Variants in C12orf42 observed in about 807,000 individuals in gnomAD.
C12orf42 encodes the protein uncharacterized protein C12orf42.
Under a neutral mutation model 21.6 loss-of-function variants are expected in C12orf42, and 25 were observed. The ratio of observed to expected loss-of-function variants is 1.16; its 90% confidence interval spans 0.84 to 1.62. C12orf42 has a LOEUF of 1.62. Ranked by LOEUF, C12orf42 falls within the 40% of genes most tolerant of loss-of-function variation. C12orf42 has a pLI of 0.00. For synonymous variants in C12orf42, 174 were observed against 175.0 expected (o/e 0.99, Z 0.05); for missense variants, 483 against 459.3 (o/e 1.05, Z -0.47).
the C12orf42 span, among the ~76,000 whole-genome samples, chr12:103,203,205 C>T: frequency 6.6e-6 from 1 of 152,118 alleles, no homozygotes; most frequent in Non-Finnish European, 1.5e-5. Flanking sequence ...TTGCCCTTCC[C>T]TCTGTGTCAC....
At chr12:103,126,665 A>T in the C12orf42 span, among the ~76,000 whole-genome samples, 1 of 142,966 alleles carries the variant, frequency 7.0e-6, no homozygotes, top group Admixed American at 7.1e-5. Context: ...GAAGTTAACT[A>T]AAAAAAAAAA....
chr12:103,365,321 GC>G (rs1416693283), intron 4 of C12orf42, among the ~76,000 whole-genome samples: 1 of 151,868 alleles, frequency 6.6e-6, no homozygotes, highest in African/African-American at 2.4e-5. Context: ...CAAGTGACAT[GC>G]CTCAATGTAA....
At chr12:103,130,336 T>G in the C12orf42 span, among the ~76,000 whole-genome samples, 3 of 150,384 alleles carry the variant, frequency 2.0e-5, no homozygotes, top group African/African-American at 7.4e-5. Flanking sequence ...GAGACCATAT[T>G]CTAAAAATTC....
At chr12:103,068,404 C>T in the C12orf42 span, among the ~76,000 whole-genome samples, 2 of 151,988 alleles carry the variant, frequency 1.3e-5, no homozygotes, top group Non-Finnish European at 2.9e-5. Flanking sequence ...TAATTATGAC[C>T]TTATTATTGT....
the C12orf42 span, among the ~76,000 whole-genome samples, chr12:103,547,490 C>A: frequency 6.6e-6 from 1 of 152,244 alleles, no homozygotes; most frequent in African/African-American, 2.4e-5. Flanking sequence ...TTCCATCCAA[C>A]TCAGTAAACA....
chr12:103,368,815 G>T, intron 4 of C12orf42, 72 bp downstream of exon 4: 1 of 752,708 alleles, frequency 1.3e-6, no homozygotes, highest in South Asian at 2.0e-5. Flanking sequence ...CAATCTTTAT[G>T]ATTATTACCT....
intron 10 of C12orf42, among the ~76,000 whole-genome samples, chr12:103,258,531 TG>T (rs2034728416): frequency 2.0e-5 from 3 of 151,818 alleles, no homozygotes; most frequent in African/African-American, 7.2e-5. Flanking sequence ...TATATATATA[TG>T]TTTTAAAAAT....
At chr12:103,491,882 A>T (rs986029470) in intron 1 of C12orf42, among the ~76,000 whole-genome samples, 21 of 152,212 alleles carry the variant, frequency 1.4e-4, no homozygotes, top group African/African-American at 5.1e-4. Flanking sequence ...AGGACTCTGA[A>T]GGGAAAAAGG....
At chr12:103,365,453 T>C (rs943707976) in intron 4 of C12orf42, among the ~76,000 whole-genome samples, 1 of 152,006 alleles carries the variant, frequency 6.6e-6, no homozygotes, top group East Asian at 1.9e-4. Context: ...CTATTCAACA[T>C]AGTACTGGAA....
the C12orf42 span, among the ~76,000 whole-genome samples, chr12:103,541,804 T>C: frequency 6.6e-6 from 1 of 152,122 alleles, no homozygotes; most frequent in Admixed American, 6.5e-5. Flanking sequence ...ACAAAAGCCA[T>C]GGTTTATGTT....
chr12:103,549,204 G>A, the C12orf42 span, among the ~76,000 whole-genome samples: 2 of 152,070 alleles, frequency 1.3e-5, no homozygotes, highest in Non-Finnish European at 2.9e-5. Context: ...ATCACATTGT[G>A]TATACATCTT....
At chr12:103,093,265 A>G in the C12orf42 span, among the ~76,000 whole-genome samples, 1 of 152,150 alleles carries the variant, frequency 6.6e-6, no homozygotes, top group Admixed American at 6.5e-5. Context: ...TTTAAGGTCC[A>G]TAGATTCAAT....
the C12orf42 span, among the ~76,000 whole-genome samples, chr12:103,220,260 G>A: frequency 6.6e-5 from 10 of 151,992 alleles, no homozygotes; most frequent in Admixed American, 5.9e-4. Context: ...GGGCCTCTCA[G>A]GGGGTGGGAT....
At position 103,242,953 on chromosome 12, in the gene C12orf42, A is replaced by G. The variant is rs2033825432; in HGVS notation, c.*1367-5051T>C. On this transcript the variant is annotated intron_variant and NMD_transcript_variant, in intron 10 of 10. Coordinates refer to the C12orf42 transcript ENST00000547347. ...TAATATTGAAATCATAATCTCCAGCATTATTGTCATGACTATTACTTTACT... is the reference window on the plus strand; with the variant it reads ...TAATATTGAAATCATAATCTCCAGCGTTATTGTCATGACTATTACTTTACT... 2.0e-5 allele frequency among the ~76,000 whole-genome samples: 3 copies of G among 152,148 alleles called. No individual in the cohort carries two copies. The South Asian group carries it at 6.2e-4, about 31-fold the overall frequency.
At chr12:103,439,215 C>G (rs12426617) in intron 2 of C12orf42, among the ~76,000 whole-genome samples, 2 of 151,390 alleles carry the variant, frequency 1.3e-5, no homozygotes, top group African/African-American at 4.8e-5. Context: ...ATGTAGAAAG[C>G]TGAAACTGGA....
chr12:103,369,909 C>T (rs1325930927), intron 3 of C12orf42, among the ~76,000 whole-genome samples: 2 of 152,138 alleles, frequency 1.3e-5, no homozygotes, highest in East Asian at 3.9e-4. Context: ...AGCTTCTACA[C>T]AGTAAAAGAA....
chr12:103,274,819 G>T (rs1003415109), intron 5 of C12orf42, among the ~76,000 whole-genome samples: 6 of 152,186 alleles, frequency 3.9e-5, no homozygotes, highest in African/African-American at 9.7e-5. Flanking sequence ...GTTTCCAGCT[G>T]CTATGCTTTC....
At chr12:103,088,523 C>G in the C12orf42 span, among the ~76,000 whole-genome samples, 3 of 152,176 alleles carry the variant, frequency 2.0e-5, no homozygotes, top group Non-Finnish European at 2.9e-5. Flanking sequence ...CTCTTCCCAC[C>G]AAAATCAGTG....
At chr12:103,497,040 CTT>C (rs1171707201), upstream of C12orf42, among the ~76,000 whole-genome samples, 1 of 151,992 alleles carries the variant, frequency 6.6e-6, no homozygotes, top group African/African-American at 2.4e-5. Flanking sequence ...TTCTCTCATC[CTT>C]TTATAATTTC....
Sources: allele counts gnomAD v4.1 joint callset (sites outside exome capture counted in the v4.1 genomes callset), GRCh38; gene constraint gnomAD v4.1.1; transcripts MANE v1.5; gene names NCBI Gene and HGNC (gene_info 2026-07-23, HGNC 2026-07-21).